The following DHRS9 variants were observed in gnomAD, a reference collection of about 807,000 sequenced individuals.
DHRS9 encodes dehydrogenase/reductase SDR family member 9.
DHRS9 carries 18 observed loss-of-function variants against 26.6 expected under a neutral mutation model. That is an observed-to-expected ratio of 0.68 (90% CI 0.47 to 1.00). The LOEUF (loss-of-function observed/expected upper bound fraction) is 1.00. Among genes scored for constraint, DHRS9 ranks in the 50% least tolerant of loss-of-function variants. The probability of loss-of-function intolerance (pLI) is 0.00; values close to 1 mark genes in which losing one functional copy is unlikely to be tolerated. For missense variants in DHRS9, 425 were observed against 378.7 expected (o/e 1.12, Z -1.01); for synonymous variants, 134 against 141.1 (o/e 0.95, Z 0.36).
chr2:169,076,528 T>A (rs1412806055), intron 1 of DHRS9, among the ~76,000 whole-genome samples: 1 of 152,140 alleles, frequency 6.6e-6, no homozygotes, highest in Non-Finnish European at 1.5e-5. Context: ...TCCATTTTTG[T>A]ATTTACTGAC....
At chr2:169,089,930 G>T (rs908872063) in intron 3 of DHRS9, among the ~76,000 whole-genome samples, 8 of 152,060 alleles carry the variant, frequency 5.3e-5, no homozygotes, top group African/African-American at 1.9e-4. Context: ...TGGTCTCTTT[G>T]GTTGACCTTT....
chr2:169,070,835 C>A, intron 1 of DHRS9: 2 of 728,060 alleles, frequency 2.7e-6, no homozygotes, highest in Non-Finnish European at 3.4e-6. Context: ...GAGGCCGAGG[C>A]CGGCGGATCA....
intron 3 of DHRS9, among the ~76,000 whole-genome samples, chr2:169,089,689 T>G (rs897663957): frequency 1.3e-5 from 2 of 152,252 alleles, no homozygotes; most frequent in African/African-American, 4.8e-5. Flanking sequence ...TTTTGCCATT[T>G]GATCAGGTTG....
rs532021561 is a variant in DHRS9, at chr2:169,091,467, T to G, written c.573-323T>G. 9.2e-5 allele frequency among the ~76,000 whole-genome samples: 14 copies of G among 152,238 alleles called. No individual in the cohort carries two copies. The South Asian group carries it at 2.7e-3, about 29-fold the overall frequency. ...TTTCACCATAAGGTGGTTTAAGTAC[T>G]GATAAGAAACCTGTTCATAACCTGA... On this transcript the variant is annotated intron_variant, in intron 3 of 4. Transcript: ENST00000674881.
At chr2:169,091,768 CT>C (rs755997810) in intron 3 of DHRS9, 21 bp from the exon 4 acceptor site, 6 of 1,580,412 alleles carry the variant, frequency 3.8e-6, no homozygotes, top group Non-Finnish European at 5.2e-6. Context: ...GATTAAACAT[CT>C]TCAATGGGTT....
intron 3 of DHRS9, among the ~76,000 whole-genome samples, chr2:169,085,543 C>T (rs1000392200): frequency 2.0e-5 from 3 of 152,058 alleles, no homozygotes; most frequent in Non-Finnish European, 4.4e-5. Context: ...AGAGAGCTCT[C>T]ATTTCTTTAA....
At chr2:169,077,137 A>G (rs980561833) in intron 1 of DHRS9, among the ~76,000 whole-genome samples, 1 of 152,200 alleles carries the variant, frequency 6.6e-6, no homozygotes, top group Non-Finnish European at 1.5e-5. Context: ...TATTTTCTCA[A>G]TCAAATAATT....
intron 3 of DHRS9, among the ~76,000 whole-genome samples, chr2:169,084,817 C>T (rs1039882642): frequency 6.6e-6 from 1 of 152,046 alleles, no homozygotes; most frequent in African/African-American, 2.4e-5. Context: ...CTTTGCTGTG[C>T]AGAAGCTTTT....
chr2:169,070,243 G>A (rs2105276033), intron 1 of DHRS9: 1 of 985,338 alleles, frequency 1.0e-6, no homozygotes, highest in Non-Finnish European at 1.2e-6. Context: ...TCATAAAAAA[G>A]CAGGGAAATT....
At position 169,081,646 on chromosome 2, in the gene DHRS9, T is replaced by G; in HGVS notation, c.65T>G (p.Leu22Arg). 2 of 1,614,190 alleles carry G rather than the reference T, an allele frequency of 1.2e-6. No homozygotes were observed. Among genetic ancestry groups the G allele is most frequent in the Non-Finnish European group, 1.7e-6 (2 of 1,180,014 alleles). ...TTTCTGTGGACTCGTAAAGGAAAAC[T>G]AAAGATTGAAGACATCACTGATAAG... Reference protein sequence around the residue: ...CGFLWTRKGKLKIEDITDKYI... With the variant: ...CGFLWTRKGKRKIEDITDKYI... Residue 22 changes from leucine to arginine, a missense_variant, in exon 2 of 5, where the codon CTA becomes CGA. By Grantham distance (102) the Leu-to-Arg change is moderately radical. Transcript: ENST00000674881.
chr2:169,083,508 G>C lies in DHRS9; in HGVS notation c.493G>C (p.Val165Leu). The part of the protein sequence containing the change: ...AQGRVINVSS[V>L]GGRLAIVGGG... The stretch of plus-strand genomic sequence containing the variant: ...AGGGAGAGTTATTAATGTCTCCAGT[G>C]TTGGAGGTCGCCTTGCAATCGTTGG... Residue 165 changes from valine to leucine, a missense_variant, in exon 3 of 5, where the codon GTT becomes CTT. Coordinates refer to ENST00000674881, the MANE Select transcript of DHRS9 (RefSeq NM_001376924.1). The C allele has an allele frequency of 6.2e-7, 1 of 1,614,098 alleles. No individual in the cohort carries two copies. Among genetic ancestry groups the C allele is most frequent in the South Asian group, 1.1e-5 (1 of 91,072 alleles).
At chr2:169,073,096 T>C (rs543667986) in intron 1 of DHRS9, among the ~76,000 whole-genome samples, 1 of 152,232 alleles carries the variant, frequency 6.6e-6, no homozygotes, top group Non-Finnish European at 1.5e-5. Context: ...AGTGGAGACT[T>C]CCTTCTTTCC....
Position 169,083,589 on chromosome 2 carries a change from T to TAAATC in DHRS9, c.572+7_572+11dup. The stretch of plus-strand genomic sequence containing the variant: ...GGAAGGTTTCAATGACAGCTTAAGG[T>TAAATC]AAATCAAATTAATCAACTTATTAGG... On this transcript the variant is annotated splice_region_variant and intron_variant, in intron 3 of 4. Transcript: ENST00000674881. 6.2e-7 allele frequency: 1 copy of TAAATC among 1,612,478 alleles called. No individual in the cohort carries two copies. The highest frequency in any genetic ancestry group is 8.5e-7 in the Non-Finnish European group (1 of 1,178,786).
chr2:169,094,881 C>T (rs1278979245), intron 4 of DHRS9, among the ~76,000 whole-genome samples: 3 of 152,110 alleles, frequency 2.0e-5, no homozygotes, highest in South Asian at 4.1e-4. Context: ...AAGGTATCTT[C>T]GCTCATTATT....
intron 1 of DHRS9, among the ~76,000 whole-genome samples, chr2:169,078,007 C>T (rs1036903151): frequency 1.3e-5 from 2 of 152,210 alleles, no homozygotes; most frequent in African/African-American, 4.8e-5. Context: ...AAGTGTCGAC[C>T]TTATCAACTC....
intron 2 of DHRS9, 40 bp from the exon 3 acceptor site, chr2:169,083,289 A>G (rs759171624): frequency 2.5e-6 from 4 of 1,596,376 alleles, no homozygotes; most frequent in Non-Finnish European, 2.6e-6. Flanking sequence ...GCAAATAAGT[A>G]CTGTCTTACC....
At chr2:169,084,816 G>A (rs1235867458) in intron 3 of DHRS9, among the ~76,000 whole-genome samples, 1 of 152,118 alleles carries the variant, frequency 6.6e-6, no homozygotes, top group East Asian at 1.9e-4. Context: ...CCTTTGCTGT[G>A]CAGAAGCTTT....
At chr2:169,067,387 T>A, upstream of DHRS9, 2 of 1,406,214 alleles carry the variant, frequency 1.4e-6, no homozygotes, top group Non-Finnish European at 1.9e-6. Context: ...CAGATCTGAG[T>A]TTCCTCCTTA....
At chr2:169,067,760 A>G (rs1271518018), upstream of DHRS9, among the ~76,000 whole-genome samples, 1 of 152,174 alleles carries the variant, frequency 6.6e-6, no homozygotes, top group Admixed American at 6.5e-5. Context: ...ATGAATTTGA[A>G]TGTGTATATG....
Sources: gnomAD v4.1 joint callset for allele counts (sites outside exome capture counted in the v4.1 genomes callset) on GRCh38, gnomAD v4.1.1 for gene constraint, MANE v1.5 for transcripts, NCBI Gene and HGNC (gene_info 2026-07-23, HGNC 2026-07-21) for gene names.